Variants in OSR2 observed in about 807,000 individuals in gnomAD.
OSR2 encodes the protein odd-skipped related transciption factor 2.
A neutral mutation model predicts 22.3 loss-of-function variants in OSR2; 8 were observed. That is an observed-to-expected ratio of 0.36 (90% CI 0.21 to 0.65). The LOEUF is 0.65. Ranked by LOEUF, OSR2 falls within the 30% of genes least tolerant of loss-of-function variation. The probability of loss-of-function intolerance (pLI) is 0.66; values close to 1 mark genes in which losing one functional copy is unlikely to be tolerated. For missense variants in OSR2, 311 were observed against 413.4 expected (o/e 0.75, Z 2.15); for synonymous variants, 179 against 173.8 (o/e 1.03, Z -0.23).
chr8:98,948,878 G>A lies in OSR2; in HGVS notation c.-75G>A, dbSNP rs763733590. ...GCTGTTGTCTCACTGGGTTTTTGTCGGAGCCCCACGCCCTCCGGCCTCTGA... is the reference window on the plus strand; with the variant it reads ...GCTGTTGTCTCACTGGGTTTTTGTCAGAGCCCCACGCCCTCCGGCCTCTGA... On this transcript the variant is annotated 5_prime_UTR_variant, in exon 2 of 4. Coordinates refer to ENST00000297565, the MANE Select transcript of OSR2 (RefSeq NM_001142462.3). This position sits in a 1 kb window ranked among gnomAD's most constrained non-coding sequence, Gnocchi z 6.0. 1.9e-6 allele frequency: 3 copies of A among 1,611,426 alleles called. No homozygotes were observed. Among genetic ancestry groups the A allele is most frequent in the Non-Finnish European group, 2.5e-6 (3 of 1,179,388 alleles).
At position 98,949,264 on chromosome 8, in the gene OSR2, C is replaced by T. The variant is rs1239858916; in HGVS notation, c.312C>T (p.His104=). 1.4e-5 allele frequency: 22 copies of T among 1,609,680 alleles called. No individual in the cohort carries two copies. Among genetic ancestry groups the T allele is most frequent in the Admixed American group, 3.3e-5 (2 of 59,712 alleles). Residue 104 remains histidine, a synonymous_variant, in exon 2 of 4, where the codon CAC becomes CAT. Coordinates refer to ENST00000297565, the MANE Select transcript of OSR2 (RefSeq NM_001142462.3). This position sits in a 1 kb window ranked among gnomAD's most constrained non-coding sequence, Gnocchi z 5.9. ...LFHPKQGAIA[H]VLPALHKDRP... is the part of the protein sequence containing the mutation. Reference sequence around the variant, plus strand: ...ACCCCAAGCAGGGGGCCATTGCCCACGTCCTCCCAGCCCTGCACAAGGACC... The same window carrying T: ...ACCCCAAGCAGGGGGCCATTGCCCATGTCCTCCCAGCCCTGCACAAGGACC...
rs778734770 is a variant in OSR2 at position 98,949,633 on chromosome 8, G to A, written c.656+25G>A. The stretch of plus-strand genomic sequence containing the variant: ...GGTGAGGCGGGCAAGGAGGATGGCT[G>A]GGAGAGGGAAAGCGAATTTGTCCTG... On this transcript the variant is annotated intron_variant, in intron 2 of 3. Transcript: ENST00000297565. The surrounding 1 kb of genome is among the most constrained non-coding windows in gnomAD (Gnocchi z 5.9). 60 of 1,589,668 alleles carry A rather than the reference G, an allele frequency of 3.8e-5. No homozygotes were observed. Among genetic ancestry groups the A allele is most frequent in the Non-Finnish European group, 5.0e-5 (58 of 1,166,676 alleles).
Position 98,948,230 on chromosome 8 carries a change from G to A in OSR2, c.-114-609G>A. On this transcript the variant is annotated intron_variant, in intron 1 of 3. Coordinates refer to ENST00000297565, the MANE Select transcript of OSR2 (RefSeq NM_001142462.3). This position sits in a 1 kb window ranked among gnomAD's most constrained non-coding sequence, Gnocchi z 6.0. Reference sequence around the variant, plus strand: ...ACCTCCGAGGTCAGTGCGGGGCGAGGTGAGCCCCTCCCAGGGCCCTCTGGC... The same window carrying A: ...ACCTCCGAGGTCAGTGCGGGGCGAGATGAGCCCCTCCCAGGGCCCTCTGGC... 1.4e-6 allele frequency: 2 copies of A among 1,474,216 alleles called. No individual in the cohort carries two copies. Among genetic ancestry groups the A allele is most frequent in the Non-Finnish European group, 1.8e-6 (2 of 1,114,396 alleles). The allele number at this position is 1,474,216 out of a possible 1,614,324, so 91.3% of individuals were successfully genotyped here.
At chr8:98,945,292 G>C (rs939608725) in intron 1 of OSR2, among the ~76,000 whole-genome samples, 5 of 152,222 alleles carry the variant, frequency 3.3e-5, no homozygotes, top group African/African-American at 1.2e-4. Context: ...TCGGTAATTT[G>C]TCAACCTCGT....
rs1840727013 is a variant in OSR2, at chr8:98,949,690, G to A, written c.656+82G>A. The A allele has an allele frequency of 2.0e-6, 3 of 1,476,714 alleles. No homozygotes were observed. Among genetic ancestry groups the A allele is most frequent in the Admixed American group, 4.2e-5 (2 of 47,656 alleles). 91.5% of individuals were successfully genotyped at this position (1,476,714 alleles called of 1,614,324 possible). ...CCGAGTCCTGATAGACATTCCCAGT[G>A]TCATTATAATCCCCTGTGATCTAAA... On this transcript the variant is annotated intron_variant, in intron 2 of 3. Coordinates refer to ENST00000297565, the MANE Select transcript of OSR2 (RefSeq NM_001142462.3). This position sits in a 1 kb window ranked among gnomAD's most constrained non-coding sequence, Gnocchi z 5.9.
intron 1 of OSR2, among the ~76,000 whole-genome samples, chr8:98,945,752 T>C (rs1242184162): frequency 6.6e-6 from 1 of 152,230 alleles, no homozygotes; most frequent in African/African-American, 2.4e-5. Flanking sequence ...CCTAACAATC[T>C]GTCCTTTAAC....
chr8:98,951,703 G>A lies in OSR2; in HGVS notation c.*2G>A. ...CACACCCCGCGGCAGGACTTCTAGA[G>A]AAGCCCAGGATCTGTCCCGTGCCGC... On this transcript the variant is annotated 3_prime_UTR_variant, in exon 4 of 4. Coordinates refer to ENST00000297565, the MANE Select transcript of OSR2 (RefSeq NM_001142462.3). 1 of 1,610,734 alleles carries A rather than the reference G, an allele frequency of 6.2e-7. No homozygotes were observed. The highest frequency in any genetic ancestry group is 8.5e-7 in the Non-Finnish European group (1 of 1,178,674).
At chr8:98,947,773 C>T (rs1452275388) in intron 1 of OSR2, among the ~76,000 whole-genome samples, 1 of 152,166 alleles carries the variant, frequency 6.6e-6, no homozygotes, top group Non-Finnish European at 1.5e-5. Context: ...TCCTGCAAGC[C>T]AGCAGGGCCA....
At position 98,947,521 on chromosome 8, in the gene OSR2, C is replaced by T. The variant is rs149265330; in HGVS notation, c.-114-1318C>T. Among the ~76,000 whole-genome samples, 991 of 152,230 alleles carry T rather than the reference C, an allele frequency of 6.5e-3. 8 individuals are homozygous for T. Among genetic ancestry groups the T allele is most frequent in the African/African-American group, 0.022 (927 of 41,526 alleles). On this transcript the variant is annotated intron_variant, in intron 1 of 3. Transcript: ENST00000297565. ...GTGACTCCTACACCTGGGGGTCTGC[C>T]CTCAGAGGGAAGGCCCTGGTCCCCC...
In OSR2 at chr8:98,948,609, T is replaced by A; in HGVS notation, c.-114-230T>A. 1 of 1,022,852 alleles carries A rather than the reference T, an allele frequency of 9.8e-7. No individual in the cohort carries two copies. The highest frequency in any genetic ancestry group is 2.7e-5 in the East Asian group (1 of 37,362). 63.4% of individuals were successfully genotyped at this position (1,022,852 alleles called of 1,614,324 possible). On this transcript the variant is annotated intron_variant, in intron 1 of 3. Transcript: ENST00000297565. The surrounding 1 kb of genome is among the most constrained non-coding windows in gnomAD (Gnocchi z 6.0). The stretch of plus-strand genomic sequence containing the variant: ...AGTCTGAATCCGACTTTCTTTCCTT[T>A]GGGCACGCGCTCGCCAGTGGAGCAC...
rs569412087 is a variant in OSR2, at chr8:98,947,917, G to A, written c.-114-922G>A. On this transcript the variant is annotated intron_variant, in intron 1 of 3. Transcript: ENST00000297565. The stretch of plus-strand genomic sequence containing the variant: ...GGCATCCCGGGTGGAGGGATGTAGG[G>A]GTCGCTCCTCGGTGCCAGGCCGGGA... Among the ~76,000 whole-genome samples, 259 of 152,286 alleles carry A rather than the reference G, an allele frequency of 1.7e-3. 2 individuals are homozygous for A. The highest frequency in any genetic ancestry group is 6.0e-3 in the South Asian group (29 of 4,822).
In OSR2 at chr8:98,948,101, G is replaced by C. The variant is rs747616197; in HGVS notation, c.-114-738G>C. ...GGAGGAGAGCCCGTGGATAGGAGGAGGGGGCGATTCTAGGCCGAATCCAGC... is the reference window on the plus strand; with the variant it reads ...GGAGGAGAGCCCGTGGATAGGAGGACGGGGCGATTCTAGGCCGAATCCAGC... On this transcript the variant is annotated intron_variant, in intron 1 of 3. Coordinates refer to ENST00000297565, the MANE Select transcript of OSR2 (RefSeq NM_001142462.3). The surrounding 1 kb of genome is among the most constrained non-coding windows in gnomAD (Gnocchi z 6.0). The C allele has an allele frequency of 9.6e-6, 13 of 1,351,012 alleles. No homozygotes were observed. The highest frequency in any genetic ancestry group is 1.2e-5 in the Non-Finnish European group (13 of 1,054,298). The allele number at this position is 1,351,012 out of a possible 1,614,324, so 83.7% of individuals were successfully genotyped here.
rs570048907 is a variant in OSR2, at chr8:98,948,976, G to A, written c.24G>A (p.Ala8=). The change falls in exon 2 of 4, where the codon GCG becomes GCA. Residue 8 remains alanine (A), a synonymous_variant. Transcript: ENST00000297565. The surrounding 1 kb of genome is among the most constrained non-coding windows in gnomAD (Gnocchi z 6.0). ...AAATGGGGAGCAAGGCTCTGCCAGC[G>A]CCCATCCCGCTCCACCCGTCGCTGC... MGSKALP[A]PIPLHPSLQL... The A allele has an allele frequency of 4.3e-6, 7 of 1,613,912 alleles. No homozygotes were observed. Among genetic ancestry groups the A allele is most frequent in the Non-Finnish European group, 5.9e-6 (7 of 1,179,892 alleles).
At chr8:98,951,474 G>A (rs1207041343) in intron 3 of OSR2, 45 bp from the exon 4 acceptor site, 3 of 1,516,298 alleles carry the variant, frequency 2.0e-6, no homozygotes, top group Admixed American at 4.0e-5. Context: ...AGGGTGCAGT[G>A]GTGGTGTGAA....
At chr8:98,946,006 A>AT in intron 1 of OSR2, 1 of 152,300 alleles carries the variant, frequency 6.6e-6, no homozygotes, top group East Asian at 1.9e-4. Flanking sequence ...TTACTTCTTA[A>AT]TTTTTTTCTC....
In OSR2 at chr8:98,948,866, T is replaced by C. The variant is rs1300206989; in HGVS notation, c.-87T>C. ...CTTTCTCTACGTGCTGTTGTCTCAC[T>C]GGGTTTTTGTCGGAGCCCCACGCCC... On this transcript the variant is annotated 5_prime_UTR_variant, in exon 2 of 4. Coordinates refer to ENST00000297565, the MANE Select transcript of OSR2 (RefSeq NM_001142462.3). This position sits in a 1 kb window ranked among gnomAD's most constrained non-coding sequence, Gnocchi z 6.0. 1 of 1,610,572 alleles carries C rather than the reference T, an allele frequency of 6.2e-7. No homozygotes were observed. The highest frequency in any genetic ancestry group is 8.5e-7 in the Non-Finnish European group (1 of 1,179,064).
Position 98,949,549 on chromosome 8 carries a change from G to T in OSR2, c.597G>T (p.Pro199=). 1 of 1,614,112 alleles carries T rather than the reference G, an allele frequency of 6.2e-7. No individual in the cohort carries two copies. ...IHERTHTDER[P]YTCDICHKAF... Reference sequence around the variant, plus strand: ...AGAGGACCCACACGGACGAGAGGCCGTACACGTGTGACATCTGCCACAAGG... The same window carrying T: ...AGAGGACCCACACGGACGAGAGGCCTTACACGTGTGACATCTGCCACAAGG... The change falls in exon 2 of 4, where the codon CCG becomes CCT. Residue 199 remains proline (P), a synonymous_variant. Transcript: ENST00000297565. This position sits in a 1 kb window ranked among gnomAD's most constrained non-coding sequence, Gnocchi z 5.9.
chr8:98,950,101 C>T (rs1840738130), intron 2 of OSR2, among the ~76,000 whole-genome samples: 2 of 151,282 alleles, frequency 1.3e-5, no homozygotes, highest in South Asian at 2.1e-4. Flanking sequence ...AATTTACAAA[C>T]AGCTCCCACC....
intron 3 of OSR2, 78 bp from the exon 4 acceptor site, chr8:98,951,441 C>T (rs145208284): frequency 6.7e-5 from 91 of 1,361,120 alleles, no homozygotes; most frequent in East Asian, 1.0e-4. Flanking sequence ...CTTGTGATAA[C>T]GATAAGACAG....
Sources: gnomAD v4.1 joint callset for allele counts (sites outside exome capture counted in the v4.1 genomes callset) on GRCh38, gnomAD v4.1.1 for gene constraint, Gnocchi (gnomAD v3.1) non-coding constraint, MANE v1.5 for transcripts, NCBI Gene and HGNC (gene_info 2026-07-23, HGNC 2026-07-21) for gene names.